Variants in FAM178B observed in about 807,000 individuals in gnomAD.
The protein encoded by FAM178B is protein FAM178B.
In FAM178B, 82 loss-of-function variants were observed where a neutral mutation model predicts 91.7. The observed-to-expected ratio is 0.89, with a 90% CI of 0.75 to 1.07. The LOEUF is 1.07. Among genes scored for constraint, FAM178B ranks in the 50% least tolerant of loss-of-function variants. FAM178B has a pLI of 0.00. For synonymous variants in FAM178B, 368 were observed against 359.4 expected, an observed-to-expected ratio of 1.02 and a Z score of -0.27; for missense variants, 769 against 846.7, an observed-to-expected ratio of 0.91 and a Z score of 1.14.
chr2:96,921,546 G>A lies in FAM178B; in HGVS notation c.1396C>T (p.Leu466=). ...AGCTGCTGGAGGTCAACTTTGGGCA[G>A]CAGGCGGAGCCCCACGTCCAGGCTG... ...RTSLDVGLRL[L]PKVDLQQLLL... Residue 466 remains leucine, a synonymous_variant, in exon 11 of 17, where the codon CTG becomes TTG. Transcript: ENST00000490605. The A allele has an allele frequency of 6.4e-7, 1 of 1,551,706 alleles. No homozygotes were observed. The highest frequency in any genetic ancestry group is 8.7e-7 in the Non-Finnish European group (1 of 1,146,998).
chr2:96,914,943 T>A (rs1225588249), intron 12 of FAM178B, among the ~76,000 whole-genome samples: 1 of 151,536 alleles, frequency 6.6e-6, no homozygotes, highest in East Asian at 1.9e-4. Context: ...ATAAAATAAG[T>A]CTAATCATTT....
intron 5 of FAM178B, among the ~76,000 whole-genome samples, chr2:96,965,999 C>CCT (rs533557943): frequency 3.0e-4 from 46 of 152,282 alleles, no homozygotes; most frequent in African/African-American, 1.0e-3. Context: ...CTCCTGGTCC[C>CCT]CTCCCTCCTG....
chr2:96,906,407 G>A (rs2081056684), intron 12 of FAM178B, among the ~76,000 whole-genome samples: 2 of 152,168 alleles, frequency 1.3e-5, no homozygotes, highest in Middle Eastern at 3.4e-3. Context: ...CATGTGATAT[G>A]TGCATCGTGT....
chr2:96,928,327 A>C (rs1338962358), intron 9 of FAM178B, among the ~76,000 whole-genome samples: 3 of 152,192 alleles, frequency 2.0e-5, no homozygotes, highest in Non-Finnish European at 4.4e-5. Flanking sequence ...AAATTTGTAG[A>C]ACAAGATGAC....
At chr2:96,908,749 G>A (rs1031773737) in intron 12 of FAM178B, among the ~76,000 whole-genome samples, 6 of 152,082 alleles carry the variant, frequency 3.9e-5, no homozygotes, top group Admixed American at 1.3e-4. Flanking sequence ...CCATTCACAC[G>A]TATTATAAGT....
At chr2:96,960,666 C>T (rs1417840215) in intron 5 of FAM178B, among the ~76,000 whole-genome samples, 1 of 152,230 alleles carries the variant, frequency 6.6e-6, no homozygotes, top group Non-Finnish European at 1.5e-5. Context: ...GCTCAGGGCA[C>T]CAGTCCAGCA....
chr2:96,905,834 ATATATATATATATATATATATATATATT>A (rs2081027703), intron 12 of FAM178B, among the ~76,000 whole-genome samples: 10 of 23,032 alleles, frequency 4.3e-4, no homozygotes, highest in Admixed American at 1.2e-3. Context: ...ATATATATAT[ATATATATATATATATATATATATATATT>A]TTTTTTTTTT....
chr2:96,893,848 T>A, intron 14 of FAM178B, 78 bp downstream of exon 14: 15 of 1,509,336 alleles, frequency 9.9e-6, no homozygotes, highest in Non-Finnish European at 1.3e-5. Context: ...CCATGCAATG[T>A]GGACAGCCCT....
chr2:96,893,534 C>T (rs1452519896), intron 14 of FAM178B, among the ~76,000 whole-genome samples: 2 of 152,070 alleles, frequency 1.3e-5, no homozygotes, highest in African/African-American at 4.8e-5. Context: ...AGAAGGGATG[C>T]CCTGCACGTC....
At chr2:96,951,738 G>A in intron 6 of FAM178B, 1 of 405,028 alleles carries the variant, frequency 2.5e-6, no homozygotes, top group Non-Finnish European at 4.6e-6. Context: ...ACACATGGCG[G>A]GTGGCTGGAG....
At chr2:96,901,260 C>T (rs1312372447) in intron 13 of FAM178B, among the ~76,000 whole-genome samples, 3 of 151,652 alleles carry the variant, frequency 2.0e-5, no homozygotes, top group Non-Finnish European at 4.4e-5. Context: ...GCAACCTCCG[C>T]CTCCCAGGTT....
chr2:96,908,961 G>T (rs1176418761), intron 12 of FAM178B, among the ~76,000 whole-genome samples: 1 of 151,880 alleles, frequency 6.6e-6, no homozygotes, highest in East Asian at 1.9e-4. Flanking sequence ...TGGCCAACAT[G>T]GTGAAACCCC....
chr2:96,977,396 A>G (rs1223191433), intron 1 of FAM178B, among the ~76,000 whole-genome samples: 1 of 150,000 alleles, frequency 6.7e-6, no homozygotes, highest in Admixed American at 6.6e-5. Context: ...AAAAAAAAAA[A>G]AAAAAAAGAA....
chr2:96,906,262 C>T (rs191016554), intron 12 of FAM178B, among the ~76,000 whole-genome samples: 1,804 of 139,356 alleles, frequency 0.013, 119 homozygotes, highest in Admixed American at 0.11. Context: ...AGTGCAGTGG[C>T]GGCATCTCAG....
At chr2:96,981,346 G>C (rs966424322) in intron 1 of FAM178B, among the ~76,000 whole-genome samples, 2 of 152,142 alleles carry the variant, frequency 1.3e-5, no homozygotes, top group Non-Finnish European at 2.9e-5. Flanking sequence ...ACACATGCAC[G>C]TGAACACTCA....
At chr2:96,948,234 T>C (rs1052800877) in intron 7 of FAM178B, among the ~76,000 whole-genome samples, 4 of 152,234 alleles carry the variant, frequency 2.6e-5, no homozygotes, top group African/African-American at 4.8e-5. Context: ...CCTGTGGTCA[T>C]AGCCATGCCC....
At chr2:96,932,695 T>C (rs977360431) in intron 8 of FAM178B, among the ~76,000 whole-genome samples, 8 of 152,142 alleles carry the variant, frequency 5.3e-5, no homozygotes, top group Non-Finnish European at 1.0e-4. Flanking sequence ...CCCAGCACTT[T>C]GGGAGGCCGA....
chr2:96,910,553 C>G (rs529252335), intron 12 of FAM178B, among the ~76,000 whole-genome samples: 1 of 152,356 alleles, frequency 6.6e-6, no homozygotes, highest in East Asian at 1.9e-4. Context: ...TCAAAAGTAA[C>G]TACACAGAAA....
intron 14 of FAM178B, 145 bp from the exon 15 acceptor site, chr2:96,878,638 G>C (rs2080305125): frequency 2.8e-6 from 2 of 718,698 alleles, no homozygotes; most frequent in Non-Finnish European, 4.8e-6. Flanking sequence ...ACAGTTTCCA[G>C]GGAGGCATCT....
Sources: allele counts gnomAD v4.1 joint callset (sites outside exome capture counted in the v4.1 genomes callset), GRCh38; gene constraint gnomAD v4.1.1; transcripts MANE v1.5; gene names NCBI Gene and HGNC (gene_info 2026-07-23, HGNC 2026-07-21).